CAMTA1: variants seen among roughly 807,000 people sequenced by gnomAD.
CAMTA1 encodes calmodulin binding transcription activator 1, also known as calmodulin-binding transcription activator 1.
In CAMTA1, 27 loss-of-function variants were observed where a neutral mutation model predicts 170.9. The observed-to-expected ratio is 0.16, with a 90% CI of 0.12 to 0.22. The LOEUF (loss-of-function observed/expected upper bound fraction) is 0.22. Among genes scored for constraint, CAMTA1 ranks in the 10% least tolerant of loss-of-function variants. The pLI, the probability that CAMTA1 is intolerant of heterozygous loss-of-function variation, is 1.00. For missense variants in CAMTA1, 1,619 were observed against 2,217.2 expected (o/e 0.73, Z 5.42); for synonymous variants, 833 against 891.5 (o/e 0.93, Z 1.17).
In CAMTA1 at chr1:7,592,360, C is replaced by T. The variant is rs562745682; in HGVS notation, c.511-48040C>T. ...CACATCTCTCTCGCCAGTGCGCCTC[C>T]CCTGCGGCACATTCGGTAGGCTGGG... On this transcript the variant is annotated intron_variant, in intron 6 of 22. Coordinates refer to ENST00000303635, the MANE Select transcript of CAMTA1 (RefSeq NM_015215.4). This position sits in a 1 kb window ranked among gnomAD's most constrained non-coding sequence, Gnocchi z 4.6. 6.6e-6 allele frequency among the ~76,000 whole-genome samples: 1 copy of T among 152,336 alleles called. No individual in the cohort carries two copies. The highest frequency in any genetic ancestry group is 2.4e-5 in the African/African-American group (1 of 41,568).
In CAMTA1 at chr1:7,300,027, T is replaced by A. The variant is rs540388308; in HGVS notation, c.438+50401T>A. Reference sequence around the variant, plus strand: ...CTGCTCCCTGTACCTTAAGTAATTATCATTTAGAATAAAGTCAGAAAATTG... The same window carrying A: ...CTGCTCCCTGTACCTTAAGTAATTAACATTTAGAATAAAGTCAGAAAATTG... On this transcript the variant is annotated intron_variant, in intron 5 of 22. Coordinates refer to ENST00000303635, the MANE Select transcript of CAMTA1 (RefSeq NM_015215.4). This position sits in a 1 kb window ranked among gnomAD's most constrained non-coding sequence, Gnocchi z 4.1. Among the ~76,000 whole-genome samples, 10 of 152,312 alleles carry A rather than the reference T, an allele frequency of 6.6e-5. No individual in the cohort carries two copies.
At chr1:7,488,330 A>T (rs556989671) in intron 6 of CAMTA1, among the ~76,000 whole-genome samples, 59 of 152,152 alleles carry the variant, frequency 3.9e-4, no homozygotes, top group African/African-American at 1.2e-3. Flanking sequence ...GTGGCCAGGG[A>T]TGGCTCCAGA....
intron 5 of CAMTA1, among the ~76,000 whole-genome samples, chr1:7,418,943 C>CT (rs199833083): frequency 0.027 from 4,096 of 152,294 alleles, 189 homozygotes; most frequent in African/African-American, 0.092. Flanking sequence ...CCAGAGGGAT[C>CT]TTCAGACACA....
chr1:7,615,448 G>A (rs142310636), intron 6 of CAMTA1, among the ~76,000 whole-genome samples: 6 of 152,312 alleles, frequency 3.9e-5, no homozygotes, highest in African/African-American at 9.6e-5. Context: ...TGATTAGCTC[G>A]AATCTTCTGA....
intron 3 of CAMTA1, among the ~76,000 whole-genome samples, chr1:6,904,507 T>C (rs533491500): frequency 2.1e-4 from 32 of 152,168 alleles, no homozygotes; most frequent in African/African-American, 7.2e-4. Flanking sequence ...TCTATATCTT[T>C]AGGCTCTCCT....
chr1:7,708,524 A>C (rs2096544419), intron 11 of CAMTA1, among the ~76,000 whole-genome samples: 1 of 152,182 alleles, frequency 6.6e-6, no homozygotes. Context: ...GTGGAGGGGG[A>C]GAATGCCAGT....
chr1:6,973,461 C>G (rs1171220090), intron 3 of CAMTA1, among the ~76,000 whole-genome samples: 1 of 151,418 alleles, frequency 6.6e-6, no homozygotes, highest in African/African-American at 2.5e-5. Flanking sequence ...AGATCTCCTT[C>G]TTTTTGAAGG....
chr1:7,112,314 A>G (rs141297311), intron 4 of CAMTA1, among the ~76,000 whole-genome samples: 3 of 152,222 alleles, frequency 2.0e-5, no homozygotes, highest in Admixed American at 2.0e-4. Flanking sequence ...TATCCCTCAC[A>G]ATTCCTGTGG....
intron 5 of CAMTA1, among the ~76,000 whole-genome samples, chr1:7,357,722 G>A (rs1557582613): frequency 6.6e-6 from 1 of 152,142 alleles, no homozygotes; most frequent in African/African-American, 2.4e-5. Context: ...CCTCGTCCAT[G>A]TGTGTTTTTC....
At chr1:6,899,682 A>T (rs1479299717) in intron 3 of CAMTA1, among the ~76,000 whole-genome samples, 4 of 152,084 alleles carry the variant, frequency 2.6e-5, no homozygotes, top group African/African-American at 7.2e-5. Flanking sequence ...GATTTTTGTG[A>T]TGGAGGCAGG....
intron 3 of CAMTA1, among the ~76,000 whole-genome samples, chr1:6,924,169 G>C (rs922241496): frequency 6.6e-6 from 1 of 152,194 alleles, no homozygotes; most frequent in African/African-American, 2.4e-5. Context: ...CACTGTTCCC[G>C]GGACTGGGTG....
At chr1:7,533,473 G>A (rs114272158) in intron 6 of CAMTA1, among the ~76,000 whole-genome samples, 2,877 of 152,312 alleles carry the variant, frequency 0.019, 34 homozygotes, top group Non-Finnish European at 0.029. Flanking sequence ...AGGGACCAAG[G>A]GCTACTCCGA....
intron 6 of CAMTA1, among the ~76,000 whole-genome samples, chr1:7,569,092 A>G (rs942028213): frequency 2.0e-5 from 3 of 151,018 alleles, no homozygotes; most frequent in Admixed American, 6.6e-5. Context: ...CAACATCACC[A>G]TCATCATCAG....
intron 7 of CAMTA1, among the ~76,000 whole-genome samples, chr1:7,650,267 A>T (rs531811875): frequency 4.3e-4 from 65 of 152,198 alleles, no homozygotes; most frequent in Admixed American, 2.0e-3. Context: ...GCACATCAGG[A>T]GAAGATTCCG....
intron 6 of CAMTA1, among the ~76,000 whole-genome samples, chr1:7,594,822 C>T (rs1160026240): frequency 1.3e-5 from 2 of 152,160 alleles, no homozygotes; most frequent in African/African-American, 4.8e-5. Context: ...GGAGGCCCAG[C>T]GGGGAACAGG....
At chr1:6,854,580 CTG>C (rs1467163396) in intron 3 of CAMTA1, among the ~76,000 whole-genome samples, 1 of 152,204 alleles carries the variant, frequency 6.6e-6, no homozygotes, top group Non-Finnish European at 1.5e-5. Flanking sequence ...CACCCAATAA[CTG>C]TAGACTGTAC....
Position 7,011,273 on chromosome 1 carries a change from C to T in CAMTA1, c.235-80031C>T, listed in dbSNP as rs1055938958. ...AGACTGGAGGGCAATGCTGTGATCT[C>T]GGCTCACTGCAACCTCTGCCTCTTG... On this transcript the variant is annotated intron_variant, in intron 3 of 22. Coordinates refer to ENST00000303635, the MANE Select transcript of CAMTA1 (RefSeq NM_015215.4). Among the ~76,000 whole-genome samples, 6 of 152,244 alleles carry T rather than the reference C, an allele frequency of 3.9e-5. No individual in the cohort carries two copies. In the South Asian group the frequency reaches 6.2e-4, roughly 16 times the overall value.
chr1:7,702,031 G>C (rs541547548), intron 11 of CAMTA1, among the ~76,000 whole-genome samples: 9 of 152,192 alleles, frequency 5.9e-5, no homozygotes, highest in Non-Finnish European at 7.4e-5. Context: ...CCAAGAAAGG[G>C]ACCCAAGGAA....
intron 5 of CAMTA1, among the ~76,000 whole-genome samples, chr1:7,467,229 G>A (rs1359486574): frequency 1.3e-5 from 2 of 152,128 alleles, no homozygotes; most frequent in Admixed American, 6.5e-5. Context: ...TGCAAAAGAT[G>A]CAGGATTACT....
Sources: gnomAD v4.1 joint callset for allele counts (sites outside exome capture counted in the v4.1 genomes callset) on GRCh38, gnomAD v4.1.1 for gene constraint, Gnocchi (gnomAD v3.1) non-coding constraint, MANE v1.5 for transcripts, NCBI Gene and HGNC (gene_info 2026-07-23, HGNC 2026-07-21) for gene names.